Variants in SCARA3 observed in about 807,000 individuals in gnomAD.
SCARA3 encodes cellular stress response gene protein.
SCARA3 carries 39 observed loss-of-function variants against 47.0 expected under a neutral mutation model. The ratio of observed to expected loss-of-function variants is 0.83; its 90% CI spans 0.64 to 1.08. The LOEUF is 1.08. Among genes scored for constraint, SCARA3 ranks in the 50% least tolerant of loss-of-function variants. The probability of loss-of-function intolerance (pLI) is 0.00; values close to 1 mark genes in which losing one functional copy is unlikely to be tolerated. For synonymous variants in SCARA3, 356 were observed against 334.1 expected (o/e 1.07, Z -0.71); for missense variants, 724 against 792.3 (o/e 0.91, Z 1.04).
chr8:27,641,996 CATGACCA>C (rs1250912385), intron 1 of SCARA3, among the ~76,000 whole-genome samples: 1 of 152,206 alleles, frequency 6.6e-6, no homozygotes, highest in Non-Finnish European at 1.5e-5. Context: ...CAGGAAGTTC[CATGACCA>C]AATAAGTCTG....
chr8:27,717,576 C>T, the SCARA3 span, among the ~76,000 whole-genome samples: 18 of 152,102 alleles, frequency 1.2e-4, no homozygotes, highest in Non-Finnish European at 2.2e-4. Context: ...CTTGAGGTCG[C>T]GGGTTCAAGA....
At chr8:27,695,150 A>G in the SCARA3 span, among the ~76,000 whole-genome samples, 9 of 152,200 alleles carry the variant, frequency 5.9e-5, 1 homozygote, top group Non-Finnish European at 1.3e-4. Flanking sequence ...CAGGCATCAG[A>G]CTGAGACATC....
intron 3 of SCARA3, among the ~76,000 whole-genome samples, chr8:27,653,561 T>C (rs1221591479): frequency 2.7e-5 from 3 of 109,520 alleles, no homozygotes; most frequent in Non-Finnish European, 6.6e-5. Context: ...TGATTATAGA[T>C]TTGTAAAGCG....
At chr8:27,688,778 G>C in the SCARA3 span, among the ~76,000 whole-genome samples, 1 of 152,172 alleles carries the variant, frequency 6.6e-6, no homozygotes, top group African/African-American at 2.4e-5. Flanking sequence ...GCTTAGGAAG[G>C]GAGCTCTTAG....
chr8:27,732,617 C>T, the SCARA3 span, among the ~76,000 whole-genome samples: 1 of 152,208 alleles, frequency 6.6e-6, no homozygotes, highest in Non-Finnish European at 1.5e-5. Flanking sequence ...AGTATATACA[C>T]ACATCTCTAA....
the SCARA3 span, among the ~76,000 whole-genome samples, chr8:27,710,512 C>T: frequency 6.6e-6 from 1 of 152,082 alleles, no homozygotes; most frequent in Non-Finnish European, 1.5e-5. Flanking sequence ...AATTAAGTAC[C>T]GATTAAGTAC....
At chr8:27,725,267 G>GC in the SCARA3 span, among the ~76,000 whole-genome samples, 1 of 152,120 alleles carries the variant, frequency 6.6e-6, no homozygotes, top group East Asian at 1.9e-4. Flanking sequence ...ATTCAGGAGA[G>GC]CTGGGGGGAA....
At chr8:27,641,735 G>A (rs903430160) in intron 1 of SCARA3, among the ~76,000 whole-genome samples, 3 of 152,186 alleles carry the variant, frequency 2.0e-5, no homozygotes, top group Admixed American at 6.5e-5. Context: ...CAAGCAGATG[G>A]AACAGCAATA....
the SCARA3 span, among the ~76,000 whole-genome samples, chr8:27,699,441 G>A: frequency 6.6e-6 from 1 of 152,126 alleles, no homozygotes; most frequent in African/African-American, 2.4e-5. Flanking sequence ...CTGGGCTCAA[G>A]TGACCCTCCC....
the SCARA3 span, among the ~76,000 whole-genome samples, chr8:27,710,225 G>A: frequency 1.1e-3 from 98 of 90,364 alleles, no homozygotes; most frequent in African/African-American, 4.0e-3. Flanking sequence ...GCGAGACTCC[G>A]TCTCAAAAAA....
At chr8:27,649,350 G>A (rs1801580975) in intron 1 of SCARA3, among the ~76,000 whole-genome samples, 1 of 152,218 alleles carries the variant, frequency 6.6e-6, no homozygotes, top group Admixed American at 6.5e-5. Flanking sequence ...CAAGTATTGG[G>A]GAATAGAAGG....
intron 4 of SCARA3, among the ~76,000 whole-genome samples, chr8:27,658,259 A>G (rs1489974978): frequency 6.6e-6 from 1 of 152,192 alleles, no homozygotes; most frequent in East Asian, 1.9e-4. Context: ...TGGTGGTGAG[A>G]AGGAGGAAAC....
the SCARA3 span, among the ~76,000 whole-genome samples, chr8:27,731,194 G>A: frequency 6.6e-6 from 1 of 150,896 alleles, no homozygotes; most frequent in African/African-American, 2.4e-5. Flanking sequence ...CAAACTCCTG[G>A]GCTCAAGCAA....
intron 1 of SCARA3, among the ~76,000 whole-genome samples, chr8:27,649,151 G>A (rs576671019): frequency 3.0e-4 from 45 of 152,282 alleles, no homozygotes; most frequent in Admixed American, 1.3e-3. Context: ...GACCTGCTCC[G>A]CCCAAGGCCC....
intron 3 of SCARA3, among the ~76,000 whole-genome samples, chr8:27,654,074 C>T (rs554197451): frequency 5.3e-5 from 8 of 152,210 alleles, no homozygotes; most frequent in East Asian, 3.9e-4. Flanking sequence ...ACTTTTTTGA[C>T]CGTGCATCCC....
chr8:27,693,905 T>A, the SCARA3 span, among the ~76,000 whole-genome samples: 1 of 152,154 alleles, frequency 6.6e-6, no homozygotes, highest in Non-Finnish European at 1.5e-5. Flanking sequence ...GTTCTACCCT[T>A]CCAGATAGAA....
chr8:27,689,103 G>C, the SCARA3 span, among the ~76,000 whole-genome samples: 1 of 152,100 alleles, frequency 6.6e-6, no homozygotes, highest in Non-Finnish European at 1.5e-5. Context: ...AAGTCAATCA[G>C]AACAGGCCCA....
downstream of SCARA3, chr8:27,676,632 A>C (rs766521522): frequency 7.8e-6 from 10 of 1,275,358 alleles, no homozygotes; most frequent in Admixed American, 5.1e-5. Flanking sequence ...CAGGATGACC[A>C]AGAATATAAT....
chr8:27,653,570 C>CGTGTGTGTGT (rs61545866), intron 3 of SCARA3, among the ~76,000 whole-genome samples: 4,466 of 145,146 alleles, frequency 0.031, 91 homozygotes, highest in East Asian at 0.058. Context: ...ATTTGTAAAG[C>CGTGTGTGTGT]GTGTGTGTGT....
Sources: allele counts gnomAD v4.1 joint callset (sites outside exome capture counted in the v4.1 genomes callset), GRCh38; gene constraint gnomAD v4.1.1; transcripts MANE v1.5; gene names NCBI Gene and HGNC (gene_info 2026-07-23, HGNC 2026-07-21).